The following CCSER1 variants were observed in gnomAD, a reference collection of about 807,000 sequenced individuals.
CCSER1 encodes the protein coiled-coil serine rich protein 1.
In CCSER1, 41 loss-of-function variants were observed where a neutral mutation model predicts 82.0. The ratio of observed to expected loss-of-function variants is 0.50; its 90% CI spans 0.39 to 0.65. CCSER1 has a LOEUF of 0.65. CCSER1 is among the 30% of genes least tolerant of loss of function. The pLI, the probability that CCSER1 is intolerant of heterozygous loss-of-function variation, is 0.00. For synonymous variants in CCSER1, 414 were observed against 383.9 expected (o/e 1.08, Z -0.92); for missense variants, 1,119 against 1,064.2 (o/e 1.05, Z -0.72).
chr4:90,591,234 C>G (rs1782655133), intron 5 of CCSER1, among the ~76,000 whole-genome samples: 1 of 152,102 alleles, frequency 6.6e-6, no homozygotes. Flanking sequence ...CATCTGCAAA[C>G]AGAGAAAATT....
chr4:91,585,839 C>T (rs1763963566), intron 10 of CCSER1, among the ~76,000 whole-genome samples: 1 of 151,576 alleles, frequency 6.6e-6, no homozygotes, highest in Non-Finnish European at 1.5e-5. Flanking sequence ...CTAGATCATT[C>T]AGAGTGATGT....
intron 4 of CCSER1, among the ~76,000 whole-genome samples, chr4:90,432,338 T>C (rs936378510): frequency 2.6e-5 from 4 of 152,146 alleles, no homozygotes; most frequent in African/African-American, 9.6e-5. Context: ...TGTATGGTTT[T>C]CTGTCTGGGA....
chr4:90,751,975 A>G (rs918088515), intron 7 of CCSER1, among the ~76,000 whole-genome samples: 4 of 152,108 alleles, frequency 2.6e-5, no homozygotes, highest in African/African-American at 9.6e-5. Context: ...TATTTGCTCA[A>G]AAAATTATTT....
intron 10 of CCSER1, among the ~76,000 whole-genome samples, chr4:91,260,766 T>TTTA (rs1560549835): frequency 1.3e-5 from 2 of 150,804 alleles, no homozygotes; most frequent in African/African-American, 4.9e-5. Context: ...TTATTTATTT[T>TTTA]TTTATTTTTT....
At chr4:91,004,860 A>T (rs553769583) in intron 9 of CCSER1, among the ~76,000 whole-genome samples, 1 of 152,284 alleles carries the variant, frequency 6.6e-6, no homozygotes, top group Non-Finnish European at 1.5e-5. Flanking sequence ...GTGATTTCTA[A>T]GTTCTGTACA....
rs1000710507 is a variant in CCSER1, at chr4:90,648,601, T to C, written c.1932+20369T>C. ...GTAGGGCCCTAATTCAATATGATTG[T>C]TGTCTTTATAAGAAGACAAAGAAAC... On this transcript the variant is annotated intron_variant, in intron 6 of 10. Coordinates refer to ENST00000509176, the MANE Select transcript of CCSER1 (RefSeq NM_001145065.2). Among the ~76,000 whole-genome samples, 6 of 114,526 alleles carry C rather than the reference T, an allele frequency of 5.2e-5. No individual in the cohort carries two copies. In the South Asian group the frequency reaches 1.3e-3, roughly 25 times the overall value. The allele number at this position is 114,526 out of a possible 152,430, so 75.1% of individuals were successfully genotyped here. A position where few individuals can be genotyped will look rare whatever the true frequency, so the allele number is the denominator to read the frequency against.
chr4:90,714,108 C>T (rs146497551), intron 6 of CCSER1, among the ~76,000 whole-genome samples: 1,899 of 151,922 alleles, frequency 0.012, 34 homozygotes, highest in African/African-American at 0.036. Context: ...TGCCATGGAC[C>T]GCAGCTGCTT....
chr4:90,157,436 G>C (rs1728465486), intron 1 of CCSER1, among the ~76,000 whole-genome samples: 1 of 135,052 alleles, frequency 7.4e-6, no homozygotes. Flanking sequence ...GCTAGATTGG[G>C]GAAGTTCTCC....
intron 10 of CCSER1, among the ~76,000 whole-genome samples, chr4:91,357,903 TGAAGATAACCATTCC>T (rs1748966374): frequency 1.7e-4 from 14 of 83,226 alleles, no homozygotes; most frequent in African/African-American, 4.3e-4. Flanking sequence ...TTTTTTTTTT[TGAAGATAACCATTCC>T]TTTTTTTAAA....
intron 10 of CCSER1, among the ~76,000 whole-genome samples, chr4:91,338,374 A>G (rs993749070): frequency 1.3e-5 from 2 of 152,180 alleles, no homozygotes. Context: ...GCACATCACA[A>G]AAGTCCAAAG....
chr4:91,136,206 C>G (rs1219909938), intron 10 of CCSER1, among the ~76,000 whole-genome samples: 1 of 152,178 alleles, frequency 6.6e-6, no homozygotes, highest in African/African-American at 2.4e-5. Context: ...CACCAAACAT[C>G]TTGCAGTTCA....
chr4:91,196,858 C>G (rs72669276), intron 10 of CCSER1, among the ~76,000 whole-genome samples: 16,198 of 152,192 alleles, frequency 0.11, 1,096 homozygotes, highest in Admixed American at 0.15. Flanking sequence ...AATCTACTGC[C>G]TATCACTATT....
At chr4:90,434,057 A>G (rs1284790267) in intron 4 of CCSER1, among the ~76,000 whole-genome samples, 3 of 151,914 alleles carry the variant, frequency 2.0e-5, no homozygotes, top group Admixed American at 1.3e-4. Context: ...CCCCACAATT[A>G]TGGTTGAAGG....
At chr4:90,665,283 T>C (rs1041931262) in intron 6 of CCSER1, among the ~76,000 whole-genome samples, 5 of 151,962 alleles carry the variant, frequency 3.3e-5, no homozygotes, top group African/African-American at 1.2e-4. Context: ...AATTTCGAGG[T>C]AGGGAGAGGT....
At chr4:90,359,367 T>C (rs1744893615) in intron 3 of CCSER1, among the ~76,000 whole-genome samples, 1 of 152,228 alleles carries the variant, frequency 6.6e-6, no homozygotes, top group Non-Finnish European at 1.5e-5. Context: ...TATACCTCTT[T>C]CATTTATTTA....
intron 10 of CCSER1, among the ~76,000 whole-genome samples, chr4:91,177,175 G>A (rs1243284095): frequency 6.6e-6 from 1 of 152,156 alleles, no homozygotes; most frequent in Non-Finnish European, 1.5e-5. Flanking sequence ...AAGCCAACTT[G>A]ATCATGGTGG....
chr4:91,416,812 A>C (rs1191804471), intron 10 of CCSER1, among the ~76,000 whole-genome samples: 1 of 152,214 alleles, frequency 6.6e-6, no homozygotes, highest in African/African-American at 2.4e-5. Context: ...TTCATGAGGA[A>C]CATGTCAAAA....
intron 10 of CCSER1, among the ~76,000 whole-genome samples, chr4:91,549,454 T>G (rs1762054679): frequency 6.6e-6 from 1 of 152,136 alleles, no homozygotes; most frequent in Non-Finnish European, 1.5e-5. Context: ...ATGTGCTGAG[T>G]AAAATAAACT....
chr4:90,455,774 A>G (rs920521759), intron 4 of CCSER1, among the ~76,000 whole-genome samples: 6 of 152,112 alleles, frequency 3.9e-5, no homozygotes, highest in Non-Finnish European at 8.8e-5. Flanking sequence ...TAAATTCCCT[A>G]GACCTTATCT....
Sources: gnomAD v4.1 joint callset for allele counts (sites outside exome capture counted in the v4.1 genomes callset) on GRCh38, gnomAD v4.1.1 for gene constraint, MANE v1.5 for transcripts, NCBI Gene and HGNC (gene_info 2026-07-23, HGNC 2026-07-21) for gene names.